Variants in ATRNL1 observed in about 807,000 individuals in gnomAD.
The protein encoded by ATRNL1 is attractin-like protein 1.
Under a neutral mutation model 182.7 loss-of-function variants are expected in ATRNL1, and 95 were observed. The observed-to-expected ratio is 0.52, with a 90% CI of 0.44 to 0.62. The LOEUF is 0.62. ATRNL1 is among the 20% of genes least tolerant of loss of function. The probability of loss-of-function intolerance (pLI) is 0.00; values close to 1 mark genes in which losing one functional copy is unlikely to be tolerated. For synonymous variants in ATRNL1, 576 were observed against 568.3 expected, an observed-to-expected ratio of 1.01 and a Z score of -0.19; for missense variants, 1,471 against 1,679.5, an observed-to-expected ratio of 0.88 and a Z score of 2.17.
intron 24 of ATRNL1, among the ~76,000 whole-genome samples, chr10:115,514,657 G>C (rs1850551691): frequency 6.6e-6 from 1 of 151,792 alleles, no homozygotes; most frequent in Non-Finnish European, 1.5e-5. Context: ...TTGTTAGTCT[G>C]TTGGTTACTC....
chr10:115,615,856 C>A (rs957252084), intron 26 of ATRNL1, among the ~76,000 whole-genome samples: 2 of 152,074 alleles, frequency 1.3e-5, no homozygotes, highest in Non-Finnish European at 2.9e-5. Context: ...TATAAATTAC[C>A]CAGTCACAGG....
intron 6 of ATRNL1, among the ~76,000 whole-genome samples, chr10:115,164,425 G>A (rs889915194): frequency 6.6e-6 from 1 of 152,058 alleles, no homozygotes; most frequent in East Asian, 1.9e-4. Context: ...CAGTGCGGAG[G>A]TTCCTCAAAC....
At chr10:115,941,711 A>AAT (rs1454151804) in intron 28 of ATRNL1, among the ~76,000 whole-genome samples, 1 of 152,224 alleles carries the variant, frequency 6.6e-6, no homozygotes, top group Non-Finnish European at 1.5e-5. Flanking sequence ...AGTTGTAAAT[A>AAT]ATGACAGAAG....
chr10:115,365,773 T>TA, intron 19 of ATRNL1, among the ~76,000 whole-genome samples: 1 of 152,186 alleles, frequency 6.6e-6, no homozygotes, highest in Non-Finnish European at 1.5e-5. Flanking sequence ...TTCATTTCGT[T>TA]ATGTATCCAG....
chr10:115,710,118 C>T (rs1286880656), intron 26 of ATRNL1, among the ~76,000 whole-genome samples: 7 of 141,920 alleles, frequency 4.9e-5, no homozygotes, highest in African/African-American at 1.8e-4. Context: ...CAAAAAGAGT[C>T]ATTTATCCTA....
In ATRNL1 at chr10:115,856,428, C is replaced by CAAAAAAAAAAAAAAAAAAAAAAAAAAAA. The variant is rs572743389; in HGVS notation, c.4018+8459_4018+8460insAAAAAAAAAAAAAAAAAAAAAAAAAAAA. Among the ~76,000 whole-genome samples, 39 of 22,534 alleles carry CAAAAAAAAAAAAAAAAAAAAAAAAAAAA rather than the reference C, an allele frequency of 1.7e-3. 15 individuals carry two copies. Among genetic ancestry groups the CAAAAAAAAAAAAAAAAAAAAAAAAAAAA allele is most frequent in the Non-Finnish European group, 3.0e-3 (37 of 12,132 alleles). The allele number at this position is 22,534 out of a possible 152,430, so 14.8% of individuals were successfully genotyped here. ...GGGCAACAAGAGCGAAGCTCCATCT[C>CAAAAAAAAAAAAAAAAAAAAAAAAAAAA]AAAAAAAAAAAAAAAAAAAAAAGCC... On this transcript the variant is annotated intron_variant, in intron 28 of 28. Transcript: ENST00000355044.
At chr10:115,426,882 G>A (rs962512121) in intron 21 of ATRNL1, among the ~76,000 whole-genome samples, 2 of 152,006 alleles carry the variant, frequency 1.3e-5, no homozygotes, top group Non-Finnish European at 2.9e-5. Flanking sequence ...CCACCACCAC[G>A]CCCAGCTAAT....
intron 26 of ATRNL1, among the ~76,000 whole-genome samples, chr10:115,672,861 G>A (rs1945742557): frequency 6.6e-6 from 1 of 152,006 alleles, no homozygotes; most frequent in Non-Finnish European, 1.5e-5. Flanking sequence ...GAAGTTTTAT[G>A]TTCATAGTAA....
At chr10:115,223,930 T>TATATATATATATATATA (rs1491447423) in intron 9 of ATRNL1, among the ~76,000 whole-genome samples, 4 of 37,244 alleles carry the variant, frequency 1.1e-4, no homozygotes, top group African/African-American at 4.2e-4. Flanking sequence ...TATATATATA[T>TATATATATATATATATA]TTTTTTTTTT....
chr10:115,371,164 G>A (rs782239468), intron 19 of ATRNL1, among the ~76,000 whole-genome samples: 2 of 152,170 alleles, frequency 1.3e-5, no homozygotes, highest in Non-Finnish European at 2.9e-5. Context: ...GGATGTCCAG[G>A]CAGAAGTTCA....
chr10:115,187,719 T>G (rs1554889046), intron 8 of ATRNL1, among the ~76,000 whole-genome samples: 3 of 141,068 alleles, frequency 2.1e-5, no homozygotes, highest in Non-Finnish European at 4.6e-5. Flanking sequence ...TGAGATGGAG[T>G]CTCCCTCTGT....
chr10:115,313,502 G>C (rs781925804), intron 17 of ATRNL1, among the ~76,000 whole-genome samples: 5 of 151,972 alleles, frequency 3.3e-5, no homozygotes, highest in Non-Finnish European at 7.4e-5. Context: ...TCTCCTGTGG[G>C]GTTGGAATGG....
At chr10:115,561,861 CATCACCAATT>C (rs1318461872) in intron 26 of ATRNL1, among the ~76,000 whole-genome samples, 1 of 152,106 alleles carries the variant, frequency 6.6e-6, no homozygotes, top group Non-Finnish European at 1.5e-5. Context: ...CACCAATAAT[CATCACCAATT>C]ATCACCAAAA....
intron 26 of ATRNL1, among the ~76,000 whole-genome samples, chr10:115,581,714 G>A (rs1007989708): frequency 7.9e-5 from 12 of 151,542 alleles, no homozygotes; most frequent in East Asian, 2.0e-4. Flanking sequence ...TACAAAGTTC[G>A]GAAGATATGT....
rs368283020 is a variant in ATRNL1 at position 115,733,359 on chromosome 10, C to T, written c.3903+6004C>T. Among the ~76,000 whole-genome samples, 21 of 152,200 alleles carry T rather than the reference C, an allele frequency of 1.4e-4. No individual in the cohort carries two copies. In the East Asian group the frequency reaches 2.9e-3, roughly 21 times the overall value. ...CTATAAAGTGGAGTTTTCAAAAAGA[C>T]ACTGGACATGTAAGAAGCATACGGT... On this transcript the variant is annotated intron_variant, in intron 27 of 28. Transcript: ENST00000355044.
intron 25 of ATRNL1, among the ~76,000 whole-genome samples, chr10:115,544,331 G>T (rs1852524799): frequency 6.6e-6 from 1 of 152,186 alleles, no homozygotes; most frequent in Non-Finnish European, 1.5e-5. Context: ...GTAGTAGGCT[G>T]TTCTTGCAAT....
chr10:115,639,578 A>G (rs1859100500), intron 26 of ATRNL1, among the ~76,000 whole-genome samples: 1 of 152,200 alleles, frequency 6.6e-6, no homozygotes, highest in South Asian at 2.1e-4. Flanking sequence ...AAAATTGGAC[A>G]TGTGGTTTCA....
chr10:115,100,167 G>A (rs368188029), intron 1 of ATRNL1, among the ~76,000 whole-genome samples: 25 of 152,180 alleles, frequency 1.6e-4, no homozygotes, highest in East Asian at 1.2e-3. Context: ...GGCGGTGTGC[G>A]CATTTAGCCC....
At chr10:115,294,097 G>T (rs1008496339) in intron 15 of ATRNL1, among the ~76,000 whole-genome samples, 55 of 152,084 alleles carry the variant, frequency 3.6e-4, no homozygotes, top group African/African-American at 1.3e-3. Context: ...ATACAAATAG[G>T]TTTTCACTAA....
Sources: gnomAD v4.1 joint callset for allele counts (sites outside exome capture counted in the v4.1 genomes callset) on GRCh38, gnomAD v4.1.1 for gene constraint, MANE v1.5 for transcripts, NCBI Gene and HGNC (gene_info 2026-07-23, HGNC 2026-07-21) for gene names.